IMMP2L: variants seen among roughly 807,000 people sequenced by gnomAD.
IMMP2L encodes inner mitochondrial membrane peptidase subunit 2.
IMMP2L carries 18 observed loss-of-function variants against 19.3 expected under a neutral mutation model. The observed-to-expected ratio is 0.93, with a 90% CI of 0.64 to 1.38. The LOEUF is 1.38. Ranked by LOEUF, IMMP2L falls within the 40% of genes most tolerant of loss-of-function variation. The pLI is 0.00. For synonymous variants in IMMP2L, 76 were observed against 73.0 expected (o/e 1.04, Z -0.21); for missense variants, 233 against 218.2 (o/e 1.07, Z -0.43).
chr7:111,338,232 G>A (rs1261641404), intron 3 of IMMP2L, among the ~76,000 whole-genome samples: 2 of 152,146 alleles, frequency 1.3e-5, no homozygotes, highest in Non-Finnish European at 2.9e-5. Context: ...GTGTTTGTAG[G>A]AAAGATGTGT....
intron 2 of IMMP2L, among the ~76,000 whole-genome samples, chr7:111,502,258 A>C (rs1361269026): frequency 6.6e-6 from 1 of 152,188 alleles, no homozygotes; most frequent in Non-Finnish European, 1.5e-5. Context: ...TCAATTCAAC[A>C]AGAAGAGCTA....
rs569403494 is a variant in IMMP2L, at chr7:110,748,163, T to A, written c.409-84442A>T. On this transcript the variant is annotated intron_variant, in intron 5 of 5. Transcript: ENST00000405709. Reference sequence around the variant, plus strand: ...CCATTCACAATTGTTACAAAGAGAATAAAATACCTAGGAACCCAACTTATA... The same window carrying A: ...CCATTCACAATTGTTACAAAGAGAAAAAAATACCTAGGAACCCAACTTATA... Among the ~76,000 whole-genome samples the A allele has an allele frequency of 1.4e-4, 21 of 152,090 alleles. No individual in the cohort carries two copies. The Middle Eastern group carries it at 0.014, about 99-fold the overall frequency.
intron 3 of IMMP2L, among the ~76,000 whole-genome samples, chr7:111,014,369 T>TTG (rs1825280448): frequency 1.3e-5 from 2 of 151,726 alleles, no homozygotes; most frequent in African/African-American, 2.4e-5. Flanking sequence ...GAAAAAAAAA[T>TTG]TGTGTGTGTA....
rs150848288 is a variant in IMMP2L, at chr7:110,880,053, C to A, written c.408+6540G>T. On this transcript the variant is annotated intron_variant, in intron 5 of 5. Coordinates refer to ENST00000405709, the MANE Select transcript of IMMP2L (RefSeq NM_032549.4). ...CTATTTAATGGGAAAGTCATGGGGCCTGTGATGACCTATCAATAGAATACA... is the reference window on the plus strand; with the variant it reads ...CTATTTAATGGGAAAGTCATGGGGCATGTGATGACCTATCAATAGAATACA... Among the ~76,000 whole-genome samples, 112 of 152,144 alleles carry A rather than the reference C, an allele frequency of 7.4e-4. 1 individual carries two copies. The highest frequency in any genetic ancestry group is 2.6e-3 in the African/African-American group (110 of 41,516).
chr7:111,439,808 T>C (rs1429389852), intron 3 of IMMP2L, among the ~76,000 whole-genome samples: 1 of 151,922 alleles, frequency 6.6e-6, no homozygotes, highest in Non-Finnish European at 1.5e-5. Flanking sequence ...TTTGATTGCA[T>C]TTTACCCACA....
Position 110,753,751 on chromosome 7 carries a change from GGGGTGT to G in IMMP2L, c.409-90036_409-90031del, listed in dbSNP as rs984814003. Among the ~76,000 whole-genome samples the G allele has an allele frequency of 7.1e-4, 62 of 86,966 alleles. No homozygotes were observed. The African/African-American group carries it at 8.2e-3, about 11-fold the overall frequency. The allele number at this position is 86,966 out of a possible 152,430, so 57.1% of individuals were successfully genotyped here. On this transcript the variant is annotated intron_variant, in intron 5 of 5. Coordinates refer to ENST00000405709, the MANE Select transcript of IMMP2L (RefSeq NM_032549.4). ...CATTTGAAAGTGTGTGTGTGAGTGT[GGGGTGT>G]GTGTGTGTGTGTGTGTGTGTGTGGT... is the stretch of plus-strand genomic sequence containing the variant.
At chr7:110,696,321 G>A (rs1190533542) in intron 5 of IMMP2L, among the ~76,000 whole-genome samples, 2 of 151,972 alleles carry the variant, frequency 1.3e-5, no homozygotes, top group African/African-American at 4.8e-5. Context: ...TGGCAGGTAT[G>A]TGTAAGAAGA....
chr7:110,895,466 C>G (rs1294808904), intron 4 of IMMP2L, among the ~76,000 whole-genome samples: 1 of 152,112 alleles, frequency 6.6e-6, no homozygotes, highest in Non-Finnish European at 1.5e-5. Context: ...ATGAGTCCCC[C>G]AATTTTGTTA....
chr7:110,862,675 T>A lies in IMMP2L; in HGVS notation c.408+23918A>T, dbSNP rs569128797. Among the ~76,000 whole-genome samples, 20 of 152,102 alleles carry A rather than the reference T, an allele frequency of 1.3e-4. No homozygotes were observed. The South Asian group carries it at 4.1e-3, about 32-fold the overall frequency. On this transcript the variant is annotated intron_variant, in intron 5 of 5. Transcript: ENST00000405709. ...TTTAATAGAAAAAAAATAAATTTAC[T>A]TTTGCATTCTCAAAATAACTAAATC...
chr7:111,410,651 T>C (rs1270538379), intron 3 of IMMP2L, among the ~76,000 whole-genome samples: 1 of 151,510 alleles, frequency 6.6e-6, no homozygotes, highest in Non-Finnish European at 1.5e-5. Flanking sequence ...TTAAAACAGC[T>C]ATTAAAATAA....
At chr7:110,923,965 A>C (rs1036597500) in intron 4 of IMMP2L, among the ~76,000 whole-genome samples, 13 of 152,184 alleles carry the variant, frequency 8.5e-5, no homozygotes, top group Non-Finnish European at 1.3e-4. Context: ...ACTGATGCAC[A>C]GGGGAATAAA....
intron 3 of IMMP2L, among the ~76,000 whole-genome samples, chr7:111,363,321 G>A (rs1336564338): frequency 6.6e-6 from 1 of 152,000 alleles, no homozygotes; most frequent in Non-Finnish European, 1.5e-5. Context: ...TACTGAATCA[G>A]AATCTAATTT....
intron 5 of IMMP2L, among the ~76,000 whole-genome samples, chr7:110,835,647 AT>A (rs113965754): frequency 0.35 from 52,244 of 149,714 alleles, 9,082 homozygotes; most frequent in South Asian, 0.44. Flanking sequence ...ACTCAGTAGC[AT>A]TTTTTTTTTT....
intron 3 of IMMP2L, among the ~76,000 whole-genome samples, chr7:110,967,493 G>T (rs1328901491): frequency 1.3e-5 from 2 of 151,908 alleles, no homozygotes; most frequent in Non-Finnish European, 2.9e-5. Context: ...ACTTCCCTCT[G>T]TGACTTGGGT....
At chr7:110,669,040 TGTGTGTGTGTGC>T (rs754110550) in intron 5 of IMMP2L, among the ~76,000 whole-genome samples, 11,696 of 102,574 alleles carry the variant, frequency 0.11, 692 homozygotes, top group African/African-American at 0.22. Flanking sequence ...TGTGTGTGTG[TGTGTGTGTGTGC>T]GTGTGTGTGT....
chr7:110,976,578 T>A (rs750498972), intron 3 of IMMP2L, among the ~76,000 whole-genome samples: 31 of 152,090 alleles, frequency 2.0e-4, no homozygotes, highest in Non-Finnish European at 3.4e-4. Flanking sequence ...TTCAAGAATA[T>A]TTATACAAAC....
At chr7:111,385,896 C>T (rs1049396014) in intron 3 of IMMP2L, among the ~76,000 whole-genome samples, 7 of 151,940 alleles carry the variant, frequency 4.6e-5, no homozygotes, top group African/African-American at 1.5e-4. Flanking sequence ...AAGGAATAAA[C>T]TCAACCTACC....
chr7:111,451,726 AAAG>A (rs1563209652), intron 3 of IMMP2L, among the ~76,000 whole-genome samples: 1 of 151,570 alleles, frequency 6.6e-6, no homozygotes, highest in African/African-American at 2.4e-5. Flanking sequence ...AAAAAAAAAA[AAAG>A]AACAGGGAAG....
chr7:111,072,341 C>T (rs1795024815), intron 3 of IMMP2L, among the ~76,000 whole-genome samples: 1 of 152,242 alleles, frequency 6.6e-6, no homozygotes, highest in South Asian at 2.1e-4. Flanking sequence ...AAAGTTCACC[C>T]TACAGTGGAG....
Sources: allele counts gnomAD v4.1 joint callset (sites outside exome capture counted in the v4.1 genomes callset), GRCh38; gene constraint gnomAD v4.1.1; transcripts MANE v1.5; gene names NCBI Gene and HGNC (gene_info 2026-07-23, HGNC 2026-07-21).